The following MYH14 variants were observed in gnomAD, a reference collection of about 807,000 sequenced individuals.
The protein encoded by MYH14 is myosin heavy chain 14.
A neutral mutation model predicts 255.5 loss-of-function variants in MYH14; 123 were observed. The ratio of observed to expected loss-of-function variants is 0.48; its 90% CI spans 0.42 to 0.56. The LOEUF is 0.56. MYH14 is among the 20% of genes least tolerant of loss of function. The pLI, the probability that MYH14 is intolerant of heterozygous loss-of-function variation, is 0.00. For synonymous variants in MYH14, 1,095 were observed against 1,161.2 expected, an observed-to-expected ratio of 0.94 and a Z score of 1.16; for missense variants, 2,423 against 2,802.3, an observed-to-expected ratio of 0.86 and a Z score of 3.06.
intron 39 of MYH14, among the ~76,000 whole-genome samples, chr19:50,300,147 T>C (rs2036431912): frequency 6.6e-6 from 1 of 152,124 alleles, no homozygotes; most frequent in Non-Finnish European, 1.5e-5. Context: ...GAGTAGTGCA[T>C]GAAAGGGCTT....
In MYH14 at chr19:50,215,217, G is replaced by A. The variant is rs868387590; in HGVS notation, c.406-2398G>A. 6.6e-4 allele frequency among the ~76,000 whole-genome samples: 100 copies of A among 152,312 alleles called. No homozygotes were observed. In the Middle Eastern group the frequency reaches 0.017, roughly 26 times the overall value. On this transcript the variant is annotated intron_variant, in intron 2 of 42. Transcript: ENST00000642316. The stretch of plus-strand genomic sequence containing the variant: ...AGGTGTGGCTGGCAGGAGGGGCCAG[G>A]GTGGGAGGGTGGCGTGGGGAGTGGG...
chr19:50,207,240 A>G (rs991416524), intron 1 of MYH14, among the ~76,000 whole-genome samples: 9 of 118,050 alleles, frequency 7.6e-5, no homozygotes, highest in African/African-American at 3.8e-4. Context: ...AAGAAAAAAG[A>G]GAGAGAGAGA....
chr19:50,258,963 C>T (rs1399430560), intron 18 of MYH14, among the ~76,000 whole-genome samples, 181 bp from the exon 19 acceptor site: 2 of 152,114 alleles, frequency 1.3e-5, no homozygotes, highest in Admixed American at 1.3e-4. Flanking sequence ...ACTCTCAGTT[C>T]CCCAGGGCAG....
At position 50,293,236 on chromosome 19, in the gene MYH14, C is replaced by A. The variant is rs1165303680; in HGVS notation, c.5260C>A (p.Leu1754Met). ...GGCCACCCCTCCATCATCACAGGAA[C>A]TGGCCGCCTCGGACCGTGCTCGGCG... ...EAEVLRLQEE[L>M]AASDRARRQA... Residue 1754 changes from leucine (L) to methionine (M), a missense_variant, in exon 38 of 43, where the codon CTG becomes ATG. By Grantham distance (15) the Leu-to-Met change is conservative. Transcript: ENST00000642316. This position sits in a 1 kb window ranked among gnomAD's most constrained non-coding sequence, Gnocchi z 4.1. The A allele has an allele frequency of 1.2e-6, 2 of 1,603,188 alleles. No homozygotes were observed. Among genetic ancestry groups the A allele is most frequent in the South Asian group, 2.3e-5 (2 of 88,798 alleles).
At chr19:50,209,299 CTT>C (rs1232214180) in intron 1 of MYH14, among the ~76,000 whole-genome samples, 1 of 152,166 alleles carries the variant, frequency 6.6e-6, no homozygotes, top group African/African-American at 2.4e-5. Flanking sequence ...AGAAAGTAAA[CTT>C]TTGGAGGCAG....
intron 23 of MYH14, 48 bp downstream of exon 23, chr19:50,267,056 T>G: frequency 6.8e-7 from 1 of 1,481,472 alleles, no homozygotes; most frequent in South Asian, 1.2e-5. Flanking sequence ...GGGGTGGGGC[T>G]GTGTCGCATG....
intron 23 of MYH14, 25 bp downstream of exon 23, chr19:50,267,033 G>T: frequency 6.5e-7 from 1 of 1,533,436 alleles, no homozygotes; most frequent in South Asian, 1.2e-5. Context: ...GCAGGGCGTG[G>T]GGGCGTGTCT....
chr19:50,246,994 T>C lies in MYH14; in HGVS notation c.1211-10T>C. 1 of 1,597,968 alleles carries C rather than the reference T, an allele frequency of 6.3e-7. No individual in the cohort carries two copies. The highest frequency in any genetic ancestry group is 1.1e-5 in the South Asian group (1 of 89,000). On this transcript the variant is annotated splice_polypyrimidine_tract_variant and intron_variant, in intron 11 of 42. Transcript: ENST00000642316. ...AGTGCTGATGGAATCTTGGTGCCTC[T>C]CGCCCTCAGCTGCACAGAAGCTCTG... is the stretch of plus-strand genomic sequence containing the variant.
rs1479679542 is a variant in MYH14 at position 50,250,381 on chromosome 19, G to A, written c.1657-134G>A. ...CTCCCAAAGTGCTGGGATTACAGGCGTGAGCCACCGTGCCTGGCATCTCAC... is the reference window on the plus strand; with the variant it reads ...CTCCCAAAGTGCTGGGATTACAGGCATGAGCCACCGTGCCTGGCATCTCAC... On this transcript the variant is annotated intron_variant, in intron 14 of 42. Coordinates refer to ENST00000642316, the MANE Select transcript of MYH14 (RefSeq NM_001145809.2). The surrounding 1 kb of genome is among the most constrained non-coding windows in gnomAD (Gnocchi z 5.4). The A allele has an allele frequency of 1.6e-5, 14 of 885,200 alleles. No individual in the cohort carries two copies. The highest frequency in any genetic ancestry group is 4.8e-5 in the South Asian group (3 of 62,020). 54.8% of individuals were successfully genotyped at this position (885,200 alleles called of 1,614,324 possible). A position where few individuals can be genotyped will look rare whatever the true frequency, so the allele number is the denominator to read the frequency against.
chr19:50,273,137 A>G (rs138296459), intron 27 of MYH14, among the ~76,000 whole-genome samples: 21,751 of 151,700 alleles, frequency 0.14, 1,620 homozygotes, highest in East Asian at 0.28. Context: ...CTAAAAATAC[A>G]AAAGTTAGCT....
Position 50,271,910 on chromosome 19 carries a change from A to G in MYH14, c.3233A>G (p.Glu1078Gly). 6.2e-7 allele frequency: 1 copy of G among 1,612,964 alleles called. No homozygotes were observed. The highest frequency in any genetic ancestry group is 2.2e-5 in the East Asian group (1 of 44,848). The change falls in exon 26 of 43, where the codon GAG becomes GGG. Residue 1078 changes from glutamate (E) to glycine (G), a missense_variant. Physicochemically the swap from Glu to Gly is moderately conservative, Grantham distance 98. Transcript: ENST00000642316. ...EFSSQAAEEE[E>G]KVKSLNKLRL... ...TCATCCCAGGCAGCTGAGGAGGAGG[A>G]GAAGGTCAAGAGCCTCAATAAGCTA...
intron 19 of MYH14, 70 bp downstream of exon 19, chr19:50,259,335 C>T: frequency 2.6e-6 from 4 of 1,536,634 alleles, no homozygotes; most frequent in Admixed American, 4.0e-5. Context: ...GCCGACACAC[C>T]TGCATTCAGG....
chr19:50,240,728 G>A (rs890280001), intron 10 of MYH14, among the ~76,000 whole-genome samples: 1 of 151,908 alleles, frequency 6.6e-6, no homozygotes, highest in Non-Finnish European at 1.5e-5. Context: ...CTTGAGGCCA[G>A]GAGTTGGAGA....
intron 30 of MYH14, among the ~76,000 whole-genome samples, chr19:50,279,382 A>C (rs1478884843): frequency 1.3e-5 from 2 of 152,188 alleles, no homozygotes; most frequent in Non-Finnish European, 2.9e-5. Context: ...CTGTAATCCC[A>C]GCACTTTGGC....
intron 33 of MYH14, 41 bp from the exon 34 acceptor site, chr19:50,286,441 C>T: frequency 6.4e-7 from 1 of 1,569,196 alleles, no homozygotes; most frequent in Non-Finnish European, 8.7e-7. Flanking sequence ...CTCCTTTCAG[C>T]TAATCTATTT....
Position 50,252,618 on chromosome 19 carries a change from C to T in MYH14, c.1831-21C>T, listed in dbSNP as rs1208549066. 2.0e-6 allele frequency: 3 copies of T among 1,505,732 alleles called. No individual in the cohort carries two copies. Among genetic ancestry groups the T allele is most frequent in the African/African-American group, 2.8e-5 (2 of 72,348 alleles). 93.3% of individuals were successfully genotyped at this position (1,505,732 alleles called of 1,614,324 possible). A position where few individuals can be genotyped will look rare whatever the true frequency, so the allele number is the denominator to read the frequency against. On this transcript the variant is annotated intron_variant, in intron 15 of 42. Transcript: ENST00000642316. The surrounding 1 kb of genome is among the most constrained non-coding windows in gnomAD (Gnocchi z 4.2). ...GTCTGAGCCTGCAAGTCATCGCCCTCCTCTACCTGACTTCATTCAGGTCGA... is the reference window on the plus strand; with the variant it reads ...GTCTGAGCCTGCAAGTCATCGCCCTTCTCTACCTGACTTCATTCAGGTCGA...
At chr19:50,295,783 C>A (rs2036244857) in intron 39 of MYH14, among the ~76,000 whole-genome samples, 1 of 151,974 alleles carries the variant, frequency 6.6e-6, no homozygotes, top group Non-Finnish European at 1.5e-5. Context: ...CATAGTGAGA[C>A]CCTGTCTCAA....
chr19:50,273,324 T>C (rs2035383777), intron 27 of MYH14, among the ~76,000 whole-genome samples: 1 of 150,458 alleles, frequency 6.6e-6, no homozygotes, highest in Non-Finnish European at 1.5e-5. Context: ...AAAGAGCTAT[T>C]TCTTCCTCTT....
rs2036795467 is a variant in MYH14 at position 50,309,789 on chromosome 19, G to A, written c.6110G>A (p.Ter2037=). 6.6e-7 allele frequency: 1 copy of A among 1,524,196 alleles called. No individual in the cohort carries two copies. The highest frequency in any genetic ancestry group is 1.4e-5 in the African/African-American group (1 of 72,454). The allele number at this position is 1,524,196 out of a possible 1,614,324, so 94.4% of individuals were successfully genotyped here. The part of the protein sequence containing the change: ...PEGSPPAHPQ[*] Reference sequence around the variant, plus strand: ...GGGTCCCCACCAGCCCACCCCCAGTGACCCTACCCTGTCCCCAGATGCACT... The same window carrying A: ...GGGTCCCCACCAGCCCACCCCCAGTAACCCTACCCTGTCCCCAGATGCACT... Residue 2037 remains the stop codon, a stop_retained_variant, in exon 43 of 43, where the codon TGA becomes TAA. Coordinates refer to ENST00000642316, the MANE Select transcript of MYH14 (RefSeq NM_001145809.2).
Sources: gnomAD v4.1 joint callset for allele counts (sites outside exome capture counted in the v4.1 genomes callset) on GRCh38, gnomAD v4.1.1 for gene constraint, Gnocchi (gnomAD v3.1) non-coding constraint, MANE v1.5 for transcripts, NCBI Gene and HGNC (gene_info 2026-07-23, HGNC 2026-07-21) for gene names.